ATF6B: variants seen among roughly 807,000 people sequenced by gnomAD.
The protein encoded by ATF6B is activating transcription factor 6 beta, also known as cyclic AMP-dependent transcription factor ATF-6 beta.
Under a neutral mutation model 83.5 loss-of-function variants are expected in ATF6B, and 50 were observed. The observed-to-expected ratio is 0.60, with a 90% CI of 0.48 to 0.76. The LOEUF (loss-of-function observed/expected upper bound fraction) is 0.76. ATF6B is among the 30% of genes least tolerant of loss of function. The pLI is 0.00. For missense variants in ATF6B, 790 were observed against 893.8 expected (o/e 0.88, Z 1.48); for synonymous variants, 344 against 362.8 (o/e 0.95, Z 0.59).
Position 32,118,057 on chromosome 6 carries a change from T to C in ATF6B, c.1245-19A>G. 6.2e-7 allele frequency: 1 copy of C among 1,614,018 alleles called. No individual in the cohort carries two copies. The highest frequency in any genetic ancestry group is 8.5e-7 in the Non-Finnish European group (1 of 1,179,966). On this transcript the variant is annotated intron_variant, in intron 11 of 17. Coordinates refer to ENST00000375203, the MANE Select transcript of ATF6B (RefSeq NM_004381.5). The surrounding 1 kb of genome is among the most constrained non-coding windows in gnomAD (Gnocchi z 5.2). The stretch of plus-strand genomic sequence containing the variant: ...ACTGATGCTGTGGATAAAGAAGGAC[T>C]GAGCACAATGAAGAATTTCAGCTGT...
intron 2 of ATF6B, 33 bp from the exon 3 acceptor site, chr6:32,127,553 G>A (rs1782035171): frequency 2.5e-6 from 4 of 1,610,092 alleles, no homozygotes; most frequent in Non-Finnish European, 3.4e-6. Flanking sequence ...GGGCAGGAGT[G>A]TGAGAAAGGA....
At chr6:32,121,944 C>G (rs1229510554) in intron 5 of ATF6B, among the ~76,000 whole-genome samples, 2 of 152,190 alleles carry the variant, frequency 1.3e-5, no homozygotes, top group Non-Finnish European at 2.9e-5. Flanking sequence ...GCGTTTCCCT[C>G]TTTCTTGTTC....
In ATF6B at chr6:32,117,375, T is replaced by C. The variant is rs1410025019; in HGVS notation, c.1562A>G (p.Gln521Arg). Residue 521 changes from glutamine to arginine, a missense_variant, in exon 14 of 18, where the codon CAG becomes CGG. Physicochemically the swap from Gln to Arg is conservative, Grantham distance 43 (BLOSUM62 1). Coordinates refer to ENST00000375203, the MANE Select transcript of ATF6B (RefSeq NM_004381.5). This position sits in a 1 kb window ranked among gnomAD's most constrained non-coding sequence, Gnocchi z 5.0. ...CTTCCTCCGGCCTCTCTGGTGGCGC[T>C]GGACCCAGCCACTCAACTCGTCAGC... ...RLADELSGWVQRHQRGRRKIP... is the reference protein window; with the variant it reads ...RLADELSGWVRRHQRGRRKIP... The C allele has an allele frequency of 7.4e-6, 12 of 1,613,996 alleles. No homozygotes were observed. The highest frequency in any genetic ancestry group is 9.3e-6 in the Non-Finnish European group (11 of 1,180,006).
chr6:32,115,452 T>TA lies in ATF6B; in HGVS notation c.*286dup. ...CTGCCATAACACTAGAGAAACAAAA[T>TA]AAAAAATATGCAGCAGCTCACCACC... On this transcript the variant is annotated 3_prime_UTR_variant, in exon 18 of 18. Transcript: ENST00000375203. The TA allele has an allele frequency of 4.5e-6, 1 of 220,748 alleles. No individual in the cohort carries two copies. The highest frequency in any genetic ancestry group is 8.1e-6 in the Non-Finnish European group (1 of 123,580). 13.7% of individuals were successfully genotyped at this position (220,748 alleles called of 1,614,324 possible). A position where few individuals can be genotyped will look rare whatever the true frequency, so the allele number is the denominator to read the frequency against.
Position 32,117,186 on chromosome 6 carries a change from C to T in ATF6B, c.1615-79G>A. On this transcript the variant is annotated intron_variant, in intron 14 of 17. Transcript: ENST00000375203. The surrounding 1 kb of genome is among the most constrained non-coding windows in gnomAD (Gnocchi z 5.0). ...GACAAACAGCCCCTGGAAGCTGATGCCACCTCCCACTCAACCCTCCACTTC... is the reference window on the plus strand; with the variant it reads ...GACAAACAGCCCCTGGAAGCTGATGTCACCTCCCACTCAACCCTCCACTTC... 1.3e-6 allele frequency: 2 copies of T among 1,539,284 alleles called. No homozygotes were observed. Among genetic ancestry groups the T allele is most frequent in the Non-Finnish European group, 1.8e-6 (2 of 1,121,732 alleles).
chr6:32,127,253 T>C lies in ATF6B; in HGVS notation c.251-59A>G, dbSNP rs1782019909. 3 of 1,493,950 alleles carry C rather than the reference T, an allele frequency of 2.0e-6. No individual in the cohort carries two copies. In the African/African-American group the frequency reaches 4.2e-5, roughly 21 times the overall value. The allele number at this position is 1,493,950 out of a possible 1,614,324, so 92.5% of individuals were successfully genotyped here. On this transcript the variant is annotated intron_variant, in intron 3 of 17. Coordinates refer to ENST00000375203, the MANE Select transcript of ATF6B (RefSeq NM_004381.5). ...CAGAGCTTAAGAAGAGTCCAAAAAG[T>C]ACCCAAGGACATGTCGGTGGGGATT...
Position 32,116,848 on chromosome 6 carries a change from A to G in ATF6B, c.1686-33T>C. 8 of 1,605,520 alleles carry G rather than the reference A, an allele frequency of 5.0e-6. No individual in the cohort carries two copies. Among genetic ancestry groups the G allele is most frequent in the Non-Finnish European group, 6.8e-6 (8 of 1,172,414 alleles). On this transcript the variant is annotated intron_variant, in intron 15 of 17. Coordinates refer to ENST00000375203, the MANE Select transcript of ATF6B (RefSeq NM_004381.5). This position sits in a 1 kb window ranked among gnomAD's most constrained non-coding sequence, Gnocchi z 5.1. ...GGTGGGGAAACAGGATTTGAGGGGA[A>G]CTAAGCCCAATGCTCAGTTTCTACC... is the stretch of plus-strand genomic sequence containing the variant.
chr6:32,120,031 C>A, intron 8 of ATF6B, 74 bp from the exon 9 acceptor site: 1 of 1,523,526 alleles, frequency 6.6e-7, no homozygotes, highest in Non-Finnish European at 8.8e-7. Flanking sequence ...CACAAGAGCA[C>A]CCAAGGATTG....
In ATF6B at chr6:32,119,161, A is replaced by G. The variant is rs763970479; in HGVS notation, c.967-20T>C. ...CTTTGCCTAGGCACCCGGAAGGTCA[A>G]AAAAGAATGACAGATGAGTTGGCAG... On this transcript the variant is annotated intron_variant, in intron 9 of 17. Coordinates refer to ENST00000375203, the MANE Select transcript of ATF6B (RefSeq NM_004381.5). The surrounding 1 kb of genome is among the most constrained non-coding windows in gnomAD (Gnocchi z 4.9). 1.3e-4 allele frequency: 213 copies of G among 1,596,728 alleles called. 1 individual carries two copies. The highest frequency in any genetic ancestry group is 1.9e-5 in the Non-Finnish European group (22 of 1,174,230).
intron 6 of ATF6B, 60 bp downstream of exon 6, chr6:32,121,203 C>T: frequency 6.2e-7 from 1 of 1,609,974 alleles, no homozygotes; most frequent in South Asian, 1.1e-5. Context: ...AGCTCTCATA[C>T]CTCTAGGTCA....
intron 1 of ATF6B, 157 bp from the exon 2 acceptor site, chr6:32,127,907 C>T: frequency 9.8e-7 from 1 of 1,018,262 alleles, no homozygotes; most frequent in East Asian, 2.6e-5. Context: ...CCCCTCCTTC[C>T]CCGACCCCGG....
In ATF6B at chr6:32,115,911, C is replaced by T. The variant is rs901421336; in HGVS notation, c.1940G>A (p.Cys647Tyr). Residue 647 changes from cysteine to tyrosine, a missense_variant, in exon 18 of 18, where the codon TGT becomes TAT. Physicochemically the swap from Cys to Tyr is radical, Grantham distance 194. Coordinates refer to ENST00000375203, the MANE Select transcript of ATF6B (RefSeq NM_004381.5). Reference sequence around the variant, plus strand: ...AATCACCCTGGTGTCCATGACCTCACACTCGATCTGCATCATCTCCTCATA... The same window carrying T: ...AATCACCCTGGTGTCCATGACCTCATACTCGATCTGCATCATCTCCTCATA... ...GDYEEMMQIECEVMDTRVIHI... is the reference protein window; with the variant it reads ...GDYEEMMQIEYEVMDTRVIHI... The T allele has an allele frequency of 1.9e-6, 3 of 1,614,138 alleles. No homozygotes were observed. Among genetic ancestry groups the T allele is most frequent in the Non-Finnish European group, 2.5e-6 (3 of 1,180,016 alleles).
chr6:32,115,480 C>T lies in ATF6B; in HGVS notation c.*259G>A, dbSNP rs565420572. On this transcript the variant is annotated 3_prime_UTR_variant, in exon 18 of 18. Coordinates refer to ENST00000375203, the MANE Select transcript of ATF6B (RefSeq NM_004381.5). ...AAAATATGCAGCAGCTCACCACCCA[C>T]CCCACAACTGAACCTCACACAATCC... The T allele has an allele frequency of 3.1e-4, 129 of 414,298 alleles. No individual in the cohort carries two copies. The highest frequency in any genetic ancestry group is 2.3e-3 in the African/African-American group (113 of 49,076). The allele number at this position is 414,298 out of a possible 1,614,324, so 25.7% of individuals were successfully genotyped here. A position where few individuals can be genotyped will look rare whatever the true frequency, so the allele number is the denominator to read the frequency against.
chr6:32,118,135 A>G lies in ATF6B; in HGVS notation c.1245-97T>C. On this transcript the variant is annotated intron_variant, in intron 11 of 17. Transcript: ENST00000375203. The surrounding 1 kb of genome is among the most constrained non-coding windows in gnomAD (Gnocchi z 5.2). ...TCTGCAGATGGACTGCTTGAGTTGC[A>G]ATCTGTTATACAAGCCTGAGTCTGC... The G allele has an allele frequency of 6.9e-7, 1 of 1,442,806 alleles. No homozygotes were observed. 89.4% of individuals were successfully genotyped at this position (1,442,806 alleles called of 1,614,324 possible).
At position 32,116,105 on chromosome 6, in the gene ATF6B, G is replaced by A. The variant is rs776528445; in HGVS notation, c.1883-137C>T. The stretch of plus-strand genomic sequence containing the variant: ...AATAGTGAGGAGGCAGATCCATAGC[G>A]GGAGTTAAACAGGATGGCAGGGACA... On this transcript the variant is annotated intron_variant, in intron 17 of 17. Coordinates refer to ENST00000375203, the MANE Select transcript of ATF6B (RefSeq NM_004381.5). This position sits in a 1 kb window ranked among gnomAD's most constrained non-coding sequence, Gnocchi z 5.1. The A allele has an allele frequency of 1.9e-5, 13 of 671,232 alleles. No individual in the cohort carries two copies. The highest frequency in any genetic ancestry group is 3.0e-5 in the Non-Finnish European group (12 of 395,952). 41.6% of individuals were successfully genotyped at this position (671,232 alleles called of 1,614,324 possible).
chr6:32,128,196 C>G lies in ATF6B; in HGVS notation c.12G>C (p.Leu4=). The G allele has an allele frequency of 6.2e-7, 1 of 1,612,078 alleles. No individual in the cohort carries two copies. Among genetic ancestry groups the G allele is most frequent in the Non-Finnish European group, 8.5e-7 (1 of 1,179,712 alleles). The part of the protein sequence containing the change: MAE[L]MLLSEIADPT... ...GGTCAGCAATCTCGCTGAGCAGCAT[C>G]AGCTCCGCCATCTTTCCCCCCCACC... The change falls in exon 1 of 18, where the codon CTG becomes CTC. Residue 4 remains leucine, a synonymous_variant. Transcript: ENST00000375203.
rs780930386 is a variant in ATF6B at position 32,118,034 on chromosome 6, T to C, written c.1249A>G (p.Ser417Gly). 13 of 1,614,104 alleles carry C rather than the reference T, an allele frequency of 8.1e-6. No individual in the cohort carries two copies. In the African/African-American group the frequency reaches 1.5e-4, roughly 18 times the overall value. Residue 417 changes from serine (S) to glycine (G), a missense_variant, in exon 12 of 18, where the codon AGT becomes GGT. Around this residue, in one of 3 missense-constraint regions of ATF6B, gnomAD observed 530 missense variants for 632.6 expected, o/e 0.84. Coordinates refer to ENST00000375203, the MANE Select transcript of ATF6B (RefSeq NM_004381.5). This position sits in a 1 kb window ranked among gnomAD's most constrained non-coding sequence, Gnocchi z 5.2. ...GAGATGGGAGCTGAAGGAGGCTCAC[T>C]GATGCTGTGGATAAAGAAGGACTGA... The part of the protein sequence containing the change: ...IAFNFGPVSI[S>G]EPPSAPISPR...
Position 32,117,265 on chromosome 6 carries a change from A to G in ATF6B, c.1614+58T>C, listed in dbSNP as rs537324329. On this transcript the variant is annotated intron_variant, in intron 14 of 17. Transcript: ENST00000375203. The surrounding 1 kb of genome is among the most constrained non-coding windows in gnomAD (Gnocchi z 5.0). ...CGAGATGCCCACTAGAAATCCCCAGACAAGGCCTTTAGCCCTTGTCTTCAA... is the reference window on the plus strand; with the variant it reads ...CGAGATGCCCACTAGAAATCCCCAGGCAAGGCCTTTAGCCCTTGTCTTCAA... 1.5e-5 allele frequency: 24 copies of G among 1,583,640 alleles called. No homozygotes were observed. In the African/African-American group the frequency reaches 1.8e-4, roughly 12 times the overall value.
chr6:32,128,211 T>TCCCCCCCCCCCCCCCCCCC lies in ATF6B; in HGVS notation c.-5_-4insGGGGGGGGGGGGGGGGGGG. The TCCCCCCCCCCCCCCCCCCC allele has an allele frequency of 6.5e-7, 1 of 1,536,870 alleles. No homozygotes were observed. Among genetic ancestry groups the TCCCCCCCCCCCCCCCCCCC allele is most frequent in the Non-Finnish European group, 8.8e-7 (1 of 1,131,482 alleles). ...TGAGCAGCATCAGCTCCGCCATCTTTCCCCCCCACCCCCCAACCAGGAGAC... is the reference window on the plus strand; with the variant it reads ...TGAGCAGCATCAGCTCCGCCATCTTTCCCCCCCCCCCCCCCCCCCCCCCCCCACCCCCCAACCAGGAGAC... On this transcript the variant is annotated 5_prime_UTR_variant, in exon 1 of 18. Coordinates refer to ENST00000375203, the MANE Select transcript of ATF6B (RefSeq NM_004381.5).
Sources: gnomAD v4.1 joint callset for allele counts (sites outside exome capture counted in the v4.1 genomes callset) on GRCh38, gnomAD v4.1.1 for gene constraint, gnomAD v4.1.1 regional missense constraint, Gnocchi (gnomAD v3.1) non-coding constraint, MANE v1.5 for transcripts, NCBI Gene and HGNC (gene_info 2026-07-23, HGNC 2026-07-21) for gene names.